The following CHRM3 variants were observed in gnomAD, a reference collection of about 807,000 sequenced individuals.
CHRM3 encodes the protein muscarinic acetylcholine receptor M3.
Under a neutral mutation model 41.8 loss-of-function variants are expected in CHRM3, and 11 were observed. The ratio of observed to expected loss-of-function variants is 0.26; its 90% confidence interval spans 0.17 to 0.44. The LOEUF (loss-of-function observed/expected upper bound fraction) is 0.44, where lower values mean the gene tolerates loss of function less well. CHRM3 is among the 20% of genes least tolerant of loss of function. The probability of loss-of-function intolerance (pLI) is 1.00; values close to 1 mark genes in which losing one functional copy is unlikely to be tolerated. For missense variants in CHRM3, 571 were observed against 745.4 expected (o/e 0.77, Z 2.72); for synonymous variants, 297 against 301.4 (o/e 0.99, Z 0.15).
chr1:239,646,291 A>C (rs1315549916), intron 4 of CHRM3, among the ~76,000 whole-genome samples: 2 of 152,208 alleles, frequency 1.3e-5, no homozygotes, highest in African/African-American at 4.8e-5. Context: ...CTGATGCTTT[A>C]ATACACAGCC....
chr1:239,708,151 A>G (rs762141235), intron 5 of CHRM3, among the ~76,000 whole-genome samples: 1 of 152,194 alleles, frequency 6.6e-6, no homozygotes. Context: ...AACCATGTGT[A>G]TGTGATCTTC....
At chr1:239,677,325 G>A (rs937872252) in intron 4 of CHRM3, among the ~76,000 whole-genome samples, 1 of 152,210 alleles carries the variant, frequency 6.6e-6, no homozygotes, top group African/African-American at 2.4e-5. Context: ...ATGAGTGAAT[G>A]TCAAATACTT....
In CHRM3 at chr1:239,387,656, G is replaced by A. The variant is rs1478837443; in HGVS notation, c.-521+429G>A. On this transcript the variant is annotated intron_variant, in intron 1 of 6. Coordinates refer to ENST00000676153, the MANE Select transcript of CHRM3 (RefSeq NM_001375978.1). The surrounding 1 kb of genome is among the most constrained non-coding windows in gnomAD (Gnocchi z 5.1). Reference sequence around the variant, plus strand: ...GAGCTACTGGGCTCCGGGTGTGTTTGTGAGCGCACTCGTGTGTTGAGCGTT... The same window carrying A: ...GAGCTACTGGGCTCCGGGTGTGTTTATGAGCGCACTCGTGTGTTGAGCGTT... Among the ~76,000 whole-genome samples the A allele has an allele frequency of 6.6e-6, 1 of 152,156 alleles. No homozygotes were observed. Among genetic ancestry groups the A allele is most frequent in the Non-Finnish European group, 1.5e-5 (1 of 68,034 alleles).
chr1:239,535,441 T>C (rs1658101078), intron 2 of CHRM3, among the ~76,000 whole-genome samples: 1 of 150,210 alleles, frequency 6.7e-6, no homozygotes, highest in East Asian at 2.0e-4. Flanking sequence ...AATCACCAAG[T>C]CTTACTTAAG....
At position 239,402,504 on chromosome 1, in the gene CHRM3, CT is replaced by C. The variant is rs531149794; in HGVS notation, c.-521+15281del. Among the ~76,000 whole-genome samples, 939 of 152,272 alleles carry C rather than the reference CT, an allele frequency of 6.2e-3. 8 individuals carry two copies. Among genetic ancestry groups the C allele is most frequent in the Middle Eastern group, 0.041 (12 of 294 alleles). ...GACCTACAATTTTACCTCTACGTAA[CT>C]TTTGATTCCATCTCCCTTTCCCCGC... On this transcript the variant is annotated intron_variant, in intron 1 of 6. Transcript: ENST00000676153.
At chr1:239,628,746 T>C (rs1302534676) in intron 3 of CHRM3, among the ~76,000 whole-genome samples, 1 of 43,460 alleles carries the variant, frequency 2.3e-5, no homozygotes, top group African/African-American at 1.6e-4. Flanking sequence ...TGCAGGTCTG[T>C]TGGAATACCC....
intron 5 of CHRM3, among the ~76,000 whole-genome samples, chr1:239,788,432 C>A: frequency 6.6e-6 from 1 of 151,986 alleles, no homozygotes; most frequent in African/African-American, 2.4e-5. Context: ...TCTTCTAAGG[C>A]CTACGTTAAC....
At position 239,874,306 on chromosome 1, in the gene CHRM3, T is replaced by TCTATATACACAGTATATAG. The variant is rs71168860; in HGVS notation, c.-19-33127_-19-33126insCTATATACACAGTATATAG. 6.6e-3 allele frequency among the ~76,000 whole-genome samples: 816 copies of TCTATATACACAGTATATAG among 124,494 alleles called. 16 individuals are homozygous for TCTATATACACAGTATATAG. Among genetic ancestry groups the TCTATATACACAGTATATAG allele is most frequent in the South Asian group, 0.01 (41 of 4,042 alleles). The allele number at this position is 124,494 out of a possible 152,430, so 81.7% of individuals were successfully genotyped here. On this transcript the variant is annotated intron_variant, in intron 6 of 6. Transcript: ENST00000676153. ...CACAGTATATATATATATATATATA[T>TCTATATACACAGTATATAG]ATATATATATATATATATATACACA...
chr1:239,602,129 T>TAC (rs1347571631), intron 3 of CHRM3, among the ~76,000 whole-genome samples: 69 of 145,592 alleles, frequency 4.7e-4, no homozygotes, highest in East Asian at 9.9e-4. Context: ...TATATATATA[T>TAC]ATATATATAT....
intron 5 of CHRM3, among the ~76,000 whole-genome samples, chr1:239,765,691 G>A (rs1271913718): frequency 2.0e-5 from 3 of 151,504 alleles, no homozygotes; most frequent in African/African-American, 7.3e-5. Flanking sequence ...AAGAATGTAT[G>A]GATACGTTAA....
intron 3 of CHRM3, among the ~76,000 whole-genome samples, chr1:239,618,971 G>C (rs1394024350): frequency 6.6e-6 from 1 of 150,778 alleles, no homozygotes; most frequent in Non-Finnish European, 1.5e-5. Flanking sequence ...CTGGAGTGCA[G>C]TGGCGGGATC....
At chr1:239,499,640 C>T (rs1164571790) in intron 2 of CHRM3, among the ~76,000 whole-genome samples, 5 of 152,018 alleles carry the variant, frequency 3.3e-5, no homozygotes, top group South Asian at 2.1e-4. Context: ...GGTAGAAATC[C>T]GCAAAAGGAT....
chr1:239,869,214 C>T (rs1306663098), intron 6 of CHRM3, among the ~76,000 whole-genome samples: 3 of 152,138 alleles, frequency 2.0e-5, no homozygotes, highest in Middle Eastern at 3.4e-3. Flanking sequence ...CACCCAGCAG[C>T]GTGCACTAAA....
intron 3 of CHRM3, among the ~76,000 whole-genome samples, chr1:239,579,121 T>A (rs150743898): frequency 1.3e-5 from 2 of 152,216 alleles, no homozygotes; most frequent in African/African-American, 4.8e-5. Context: ...GAGTGAATGA[T>A]GAAGTGAGTG....
chr1:239,743,547 C>T (rs1025153270), intron 5 of CHRM3, among the ~76,000 whole-genome samples: 19 of 152,074 alleles, frequency 1.2e-4, no homozygotes, highest in African/African-American at 4.6e-4. Flanking sequence ...ACACATACAT[C>T]CCACCCAACC....
chr1:239,643,088 T>C (rs1246886176), intron 4 of CHRM3, among the ~76,000 whole-genome samples: 1 of 152,182 alleles, frequency 6.6e-6, no homozygotes, highest in African/African-American at 2.4e-5. Flanking sequence ...TGGATGTTCG[T>C]GATCCGCGAA....
At chr1:239,751,319 C>A (rs748911947) in intron 5 of CHRM3, among the ~76,000 whole-genome samples, 1 of 151,730 alleles carries the variant, frequency 6.6e-6, no homozygotes, top group South Asian at 2.1e-4. Context: ...TTGATTACCC[C>A]TTCAAGGATA....
intron 5 of CHRM3, among the ~76,000 whole-genome samples, chr1:239,759,762 A>G (rs1666575859): frequency 1.3e-5 from 2 of 152,090 alleles, no homozygotes; most frequent in East Asian, 1.9e-4. Flanking sequence ...CTTTCTCTCT[A>G]CTGGAATAAA....
intron 3 of CHRM3, among the ~76,000 whole-genome samples, chr1:239,582,310 T>C (rs1290260642): frequency 6.6e-6 from 1 of 152,204 alleles, no homozygotes; most frequent in African/African-American, 2.4e-5. Context: ...TTTTGACCTA[T>C]ATTATCATCT....
Sources: allele counts gnomAD v4.1 joint callset (sites outside exome capture counted in the v4.1 genomes callset), GRCh38; gene constraint gnomAD v4.1.1; non-coding constraint Gnocchi (gnomAD v3.1); transcripts MANE v1.5; gene names NCBI Gene and HGNC (gene_info 2026-07-23, HGNC 2026-07-21).